ARHGAP17: variants seen among roughly 807,000 people sequenced by gnomAD.
The protein encoded by ARHGAP17 is rho GTPase-activating protein 17.
A neutral mutation model predicts 99.5 loss-of-function variants in ARHGAP17; 57 were observed. The observed-to-expected ratio is 0.57, with a 90% CI of 0.46 to 0.71. The LOEUF (loss-of-function observed/expected upper bound fraction) is 0.71, where lower values mean the gene tolerates loss of function less well. ARHGAP17 is among the 30% of genes least tolerant of loss of function. The pLI is 0.00. For synonymous variants in ARHGAP17, 417 were observed against 429.6 expected (o/e 0.97, Z 0.36); for missense variants, 1,000 against 1,122.4 (o/e 0.89, Z 1.56).
At chr16:24,989,102 A>T (rs1406843707) in intron 1 of ARHGAP17, among the ~76,000 whole-genome samples, 1 of 152,194 alleles carries the variant, frequency 6.6e-6, no homozygotes, top group African/African-American at 2.4e-5. Flanking sequence ...GGAGCTGAAA[A>T]GCCACACAAA....
At chr16:24,983,298 C>T (rs937650040) in intron 1 of ARHGAP17, among the ~76,000 whole-genome samples, 1 of 150,756 alleles carries the variant, frequency 6.6e-6, no homozygotes, top group Non-Finnish European at 1.5e-5. Flanking sequence ...AGCCACCGTA[C>T]GCGGCCAGAT....
intron 1 of ARHGAP17, among the ~76,000 whole-genome samples, chr16:25,002,932 G>A (rs765198545): frequency 2.3e-4 from 35 of 150,808 alleles, no homozygotes; most frequent in Non-Finnish European, 4.3e-4. Context: ...CCAGCTACTC[G>A]GGAGGCTGAA....
intron 1 of ARHGAP17, among the ~76,000 whole-genome samples, chr16:25,012,862 A>T (rs1187800952): frequency 6.6e-6 from 1 of 152,210 alleles, no homozygotes; most frequent in Non-Finnish European, 1.5e-5. Flanking sequence ...TTACAGCTCC[A>T]GCATGAATCA....
rs1330981886 is a variant in ARHGAP17 at position 24,939,367 on chromosome 16, C to T, written c.1721G>A (p.Gly574Asp). The change falls in exon 17 of 20, where the codon GGC becomes GAC. Residue 574 changes from glycine (G) to aspartate (D), a missense_variant. Transcript: ENST00000289968. ...ILEQGPSPGDGSPPKPKDPVS... is the reference protein window; with the variant it reads ...ILEQGPSPGDDSPPKPKDPVS... Reference sequence around the variant, plus strand: ...CAGCAGAAGTCAGCCTCCTTACCTGCCGTCGCCTGGGCTCGGCCCCTGCTC... The same window carrying T: ...CAGCAGAAGTCAGCCTCCTTACCTGTCGTCGCCTGGGCTCGGCCCCTGCTC... 1.2e-6 allele frequency: 2 copies of T among 1,600,550 alleles called. No homozygotes were observed. The highest frequency in any genetic ancestry group is 1.7e-6 in the Non-Finnish European group (2 of 1,177,714).
In ARHGAP17 at chr16:25,015,265, G is replaced by A; in HGVS notation, c.-4C>T. ...TGCGGTTGAACTGCTTCTTCATGGC[G>A]GCGGTGGCGGCGGCGGCCCGCGGGG... On this transcript the variant is annotated 5_prime_UTR_variant, in exon 1 of 20. Coordinates refer to ENST00000289968, the MANE Select transcript of ARHGAP17 (RefSeq NM_001006634.3). 1 of 1,341,510 alleles carries A rather than the reference G, an allele frequency of 7.5e-7. No homozygotes were observed. Among genetic ancestry groups the A allele is most frequent in the South Asian group, 2.0e-5 (1 of 50,746 alleles). 83.1% of individuals were successfully genotyped at this position (1,341,510 alleles called of 1,614,324 possible).
At position 25,014,901 on chromosome 16, in the gene ARHGAP17, A is replaced by C. The variant is rs565317148; in HGVS notation, c.53+308T>G. Among the ~76,000 whole-genome samples, 3 of 151,706 alleles carry C rather than the reference A, an allele frequency of 2.0e-5. No individual in the cohort carries two copies. The South Asian group carries it at 6.2e-4, about 32-fold the overall frequency. ...GGAAGGGAGGAGAAGGACCGGGTCT[A>C]CTCCCCGAGGGCGATGCTCCCGGGG... On this transcript the variant is annotated intron_variant, in intron 1 of 19. Coordinates refer to ENST00000289968, the MANE Select transcript of ARHGAP17 (RefSeq NM_001006634.3).
intron 1 of ARHGAP17, among the ~76,000 whole-genome samples, chr16:24,987,203 C>T (rs75286951): frequency 0.014 from 2,131 of 152,286 alleles, 53 homozygotes; most frequent in African/African-American, 0.049. Flanking sequence ...TATAAATGAA[C>T]GGACCTGGCT....
intron 18 of ARHGAP17, among the ~76,000 whole-genome samples, chr16:24,933,393 G>A (rs374411216): frequency 1.3e-5 from 2 of 151,738 alleles, no homozygotes; most frequent in South Asian, 4.2e-4. Context: ...AAAGTGGGAG[G>A]ATCACTTGAG....
chr16:25,001,314 T>C (rs945431020), intron 1 of ARHGAP17, among the ~76,000 whole-genome samples: 2 of 152,190 alleles, frequency 1.3e-5, no homozygotes, highest in Admixed American at 6.5e-5. Context: ...CACAAAGTCA[T>C]GTGCAATGCT....
At chr16:24,921,958 G>A (rs1224836673) in intron 19 of ARHGAP17, among the ~76,000 whole-genome samples, 7 of 152,188 alleles carry the variant, frequency 4.6e-5, no homozygotes, top group Admixed American at 6.5e-5. Flanking sequence ...TGTTCACAGT[G>A]TATCCTCAGT....
At chr16:25,009,567 G>A (rs2053591906) in intron 1 of ARHGAP17, among the ~76,000 whole-genome samples, 1 of 152,104 alleles carries the variant, frequency 6.6e-6, no homozygotes, top group East Asian at 1.9e-4. Flanking sequence ...GACTGTTCTG[G>A]GATCAGTAGG....
In ARHGAP17 at chr16:24,922,529, G is replaced by A. The variant is rs188557413; in HGVS notation, c.2516-2269C>T. Among the ~76,000 whole-genome samples the A allele has an allele frequency of 8.7e-3, 1,327 of 152,138 alleles. 16 individuals carry two copies. The highest frequency in any genetic ancestry group is 0.013 in the Non-Finnish European group (883 of 68,006). ...CTCTGCCGCCCACCTGCCCCATCTG[G>A]TTTCCCCAGCCCCTCTCTATTCCTA... On this transcript the variant is annotated intron_variant, in intron 19 of 19. Transcript: ENST00000289968.
intron 1 of ARHGAP17, 114 bp downstream of exon 1, chr16:25,015,095 G>A: frequency 9.5e-7 from 1 of 1,052,716 alleles, no homozygotes. Flanking sequence ...GTCTCGGGCA[G>A]GGGCTGCGGC....
chr16:24,958,276 C>A (rs13338922), intron 9 of ARHGAP17, among the ~76,000 whole-genome samples: 2 of 152,144 alleles, frequency 1.3e-5, no homozygotes, highest in Non-Finnish European at 2.9e-5. Context: ...AAAATCCAAT[C>A]TCTCGTTTTT....
At chr16:24,954,055 C>G (rs996135195) in intron 10 of ARHGAP17, among the ~76,000 whole-genome samples, 1 of 151,702 alleles carries the variant, frequency 6.6e-6, no homozygotes, top group African/African-American at 2.4e-5. Flanking sequence ...AAAAAAAAAG[C>G]CTTGCATTTT....
chr16:24,935,263 A>C (rs775416903), intron 18 of ARHGAP17, among the ~76,000 whole-genome samples: 3 of 152,222 alleles, frequency 2.0e-5, no homozygotes, highest in Non-Finnish European at 2.9e-5. Flanking sequence ...GTCACGCCTA[A>C]GGAAAAACTA....
At position 25,015,354 on chromosome 16, in the gene ARHGAP17, G is replaced by A. The variant is rs1452519942; in HGVS notation, c.-93C>T. 9.5e-6 allele frequency: 11 copies of A among 1,159,454 alleles called. No individual in the cohort carries two copies. The African/African-American group carries it at 1.1e-4, about 12-fold the overall frequency. 71.8% of individuals were successfully genotyped at this position (1,159,454 alleles called of 1,614,324 possible). A position where few individuals can be genotyped will look rare whatever the true frequency, so the allele number is the denominator to read the frequency against. ...TACATCGCTTCCCGGCCCAAACGGCGGCGCGGCGGTGGCTCCCCGGGCCGG... is the reference window on the plus strand; with the variant it reads ...TACATCGCTTCCCGGCCCAAACGGCAGCGCGGCGGTGGCTCCCCGGGCCGG... On this transcript the variant is annotated 5_prime_UTR_variant, in exon 1 of 20. Transcript: ENST00000289968.
intron 1 of ARHGAP17, among the ~76,000 whole-genome samples, chr16:25,001,525 C>G (rs114820283): frequency 6.6e-6 from 1 of 152,068 alleles, no homozygotes; most frequent in Non-Finnish European, 1.5e-5. Context: ...TGCCAAAACT[C>G]GCCTTTATAC....
chr16:24,981,783 G>A (rs1043936162), intron 1 of ARHGAP17, among the ~76,000 whole-genome samples: 46 of 152,168 alleles, frequency 3.0e-4, no homozygotes, highest in African/African-American at 1.1e-3. Context: ...ATATGGCCAG[G>A]GGTGAAGTGT....
Sources: allele counts gnomAD v4.1 joint callset (sites outside exome capture counted in the v4.1 genomes callset), GRCh38; gene constraint gnomAD v4.1.1; transcripts MANE v1.5; gene names NCBI Gene and HGNC (gene_info 2026-07-23, HGNC 2026-07-21).